SLCO1B1: variants seen among roughly 807,000 people sequenced by gnomAD.
SLCO1B1 encodes the protein solute carrier organic anion transporter family member 1B1.
In SLCO1B1, 81 loss-of-function variants were observed where a neutral mutation model predicts 70.1. The observed-to-expected ratio is 1.16, with a 90% CI of 0.97 to 1.39. SLCO1B1 has a LOEUF of 1.39. Ranked by LOEUF, SLCO1B1 falls within the 40% of genes most tolerant of loss-of-function variation. The pLI, the probability that SLCO1B1 is intolerant of heterozygous loss-of-function variation, is 0.00. For missense variants in SLCO1B1, 895 were observed against 799.6 expected (o/e 1.12, Z -1.44); for synonymous variants, 283 against 271.5 (o/e 1.04, Z -0.42).
At chr12:21,215,195 C>G (rs1338799330) in intron 11 of SLCO1B1, among the ~76,000 whole-genome samples, 2 of 152,148 alleles carry the variant, frequency 1.3e-5, no homozygotes, top group Non-Finnish European at 2.9e-5. Context: ...ATTGATCTGT[C>G]TAGGATTTCC....
At chr12:21,201,033 TCA>T (rs1941151824) in intron 9 of SLCO1B1, among the ~76,000 whole-genome samples, 1 of 152,124 alleles carries the variant, frequency 6.6e-6, no homozygotes, top group South Asian at 2.1e-4. Flanking sequence ...AAATCAAGAC[TCA>T]GTTACTTACA....
chr12:21,136,163 C>T (rs1429708471), intron 1 of SLCO1B1, among the ~76,000 whole-genome samples: 3 of 152,338 alleles, frequency 2.0e-5, no homozygotes, highest in South Asian at 2.1e-4. Context: ...TTGGTCCCCA[C>T]TCTCTTCTGG....
At chr12:21,226,840 T>G (rs1302851656) in intron 14 of SLCO1B1, among the ~76,000 whole-genome samples, 3 of 152,150 alleles carry the variant, frequency 2.0e-5, no homozygotes, top group Admixed American at 6.5e-5. Context: ...CTTCATACTT[T>G]CTGTACAGTT....
chr12:21,137,012 G>C lies in SLCO1B1; in HGVS notation c.-61-4502G>C, dbSNP rs12318078. Among the ~76,000 whole-genome samples, 134 of 152,138 alleles carry C rather than the reference G, an allele frequency of 8.8e-4. 1 individual carries two copies. The highest frequency in any genetic ancestry group is 3.0e-3 in the African/African-American group (123 of 41,484). ...GGTGACGTACAGATGGGTTTTTGGT[G>C]CGGATGTCCTTTCTGTTTGTTAGTT... On this transcript the variant is annotated intron_variant, in intron 1 of 14. Coordinates refer to ENST00000256958, the MANE Select transcript of SLCO1B1 (RefSeq NM_006446.5).
chr12:21,155,072 A>G (rs1194949384), intron 2 of SLCO1B1, among the ~76,000 whole-genome samples: 1 of 148,748 alleles, frequency 6.7e-6, no homozygotes, highest in Non-Finnish European at 1.5e-5. Context: ...TCTTGTGTTG[A>G]GCATTCAATG....
chr12:21,213,299 T>G (rs1006929699), intron 11 of SLCO1B1, among the ~76,000 whole-genome samples: 5 of 152,084 alleles, frequency 3.3e-5, no homozygotes, highest in Non-Finnish European at 5.9e-5. Flanking sequence ...GTCTGTAAAG[T>G]ATTTTATTTC....
chr12:21,188,048 A>G (rs998844717), intron 7 of SLCO1B1, among the ~76,000 whole-genome samples: 1 of 152,050 alleles, frequency 6.6e-6, no homozygotes, highest in Admixed American at 6.6e-5. Context: ...TATAACAGGG[A>G]CTCTTGTCTA....
Position 21,200,539 on chromosome 12 carries a change from T to G in SLCO1B1, c.1002T>G (p.Thr334=). The G allele has an allele frequency of 6.3e-7, 1 of 1,593,684 alleles. No homozygotes were observed. The highest frequency in any genetic ancestry group is 8.6e-7 in the Non-Finnish European group (1 of 1,168,718). ...TCCAGTCTTTTAAAAGCATCCTTACTAATCCCCTGTATGTTATGTTTGTGC... is the reference window on the plus strand; with the variant it reads ...TCCAGTCTTTTAAAAGCATCCTTACGAATCCCCTGTATGTTATGTTTGTGC... ...GFFQSFKSIL[T]NPLYVMFVLL... The change falls in exon 9 of 15, where the codon ACT becomes ACG. Residue 334 remains threonine, a synonymous_variant. Transcript: ENST00000256958.
intron 14 of SLCO1B1, among the ~76,000 whole-genome samples, chr12:21,235,376 T>G (rs551550924): frequency 1.3e-5 from 2 of 151,248 alleles, no homozygotes; most frequent in South Asian, 2.1e-4. Context: ...TCAGCTTATT[T>G]TTGCTTTCCA....
intron 7 of SLCO1B1, among the ~76,000 whole-genome samples, chr12:21,185,921 C>T (rs1047488911): frequency 6.6e-6 from 1 of 151,880 alleles, no homozygotes; most frequent in East Asian, 1.9e-4. Context: ...ATTACAAATG[C>T]CCCTCTGCAC....
intron 11 of SLCO1B1, among the ~76,000 whole-genome samples, chr12:21,208,674 T>C (rs1941242465): frequency 6.6e-6 from 1 of 152,080 alleles, no homozygotes; most frequent in South Asian, 2.1e-4. Context: ...TCATGCCGGT[T>C]GTTTGATAAG....
intron 2 of SLCO1B1, among the ~76,000 whole-genome samples, chr12:21,159,728 T>C (rs1211209009): frequency 1.3e-5 from 2 of 152,040 alleles, no homozygotes; most frequent in Non-Finnish European, 2.9e-5. Context: ...ATTCTATATC[T>C]AGAAAACCCC....
intron 14 of SLCO1B1, among the ~76,000 whole-genome samples, chr12:21,225,289 A>T (rs986714761): frequency 5.3e-5 from 8 of 152,212 alleles, no homozygotes; most frequent in African/African-American, 1.9e-4. Flanking sequence ...GGCTCTGGTC[A>T]TATGTCAATT....
intron 13 of SLCO1B1, among the ~76,000 whole-genome samples, chr12:21,222,665 C>T (rs1466857771): frequency 6.6e-6 from 1 of 151,790 alleles, no homozygotes. Flanking sequence ...TTGTATTACA[C>T]TCTTTCAAAC....
At chr12:21,140,716 T>G (rs1940296626) in intron 1 of SLCO1B1, among the ~76,000 whole-genome samples, 1 of 151,924 alleles carries the variant, frequency 6.6e-6, no homozygotes, top group African/African-American at 2.4e-5. Context: ...GATAAAAAGG[T>G]AGAGAATGAT....
chr12:21,224,279 TAA>T (rs4149105), intron 13 of SLCO1B1, among the ~76,000 whole-genome samples: 2 of 143,486 alleles, frequency 1.4e-5, no homozygotes, highest in Non-Finnish European at 1.5e-5. Flanking sequence ...AAAATAATGT[TAA>T]AAAAAAAAAA....
intron 1 of SLCO1B1, among the ~76,000 whole-genome samples, chr12:21,133,770 A>T (rs1381292412): frequency 6.6e-6 from 1 of 152,150 alleles, no homozygotes; most frequent in East Asian, 1.9e-4. Flanking sequence ...CAATCATGTG[A>T]TCTGCAAACA....
At chr12:21,192,003 A>G (rs915913375) in intron 7 of SLCO1B1, among the ~76,000 whole-genome samples, 2 of 151,888 alleles carry the variant, frequency 1.3e-5, no homozygotes, top group Admixed American at 6.6e-5. Flanking sequence ...TATGCTATTA[A>G]ATTTGGTTTA....
rs1248336614 is a variant in SLCO1B1, at chr12:21,213,634, C to G, written c.1498-3485C>G. ...CCTGCCTTGCTAGATTGGGGAAGTT[C>G]TCCTGGATAATATCCTGCAGAGTGT... On this transcript the variant is annotated intron_variant, in intron 11 of 14. Transcript: ENST00000256958. Among the ~76,000 whole-genome samples the G allele has an allele frequency of 4.5e-3, 611 of 135,374 alleles. 1 individual carries two copies. The highest frequency in any genetic ancestry group is 0.016 in the African/African-American group (579 of 36,178). 88.8% of individuals were successfully genotyped at this position (135,374 alleles called of 152,430 possible). A position where few individuals can be genotyped will look rare whatever the true frequency, so the allele number is the denominator to read the frequency against.
Sources: gnomAD v4.1 joint callset for allele counts (sites outside exome capture counted in the v4.1 genomes callset) on GRCh38, gnomAD v4.1.1 for gene constraint, MANE v1.5 for transcripts, NCBI Gene and HGNC (gene_info 2026-07-23, HGNC 2026-07-21) for gene names.